Variants in TANK observed in about 807,000 individuals in gnomAD.
The protein encoded by TANK is TRAF family member associated NFKB activator.
Under a neutral mutation model 43.6 loss-of-function variants are expected in TANK, and 15 were observed. That is an observed-to-expected ratio of 0.34 (90% confidence interval 0.23 to 0.53). The LOEUF (loss-of-function observed/expected upper bound fraction) is 0.53. TANK is among the 20% of genes least tolerant of loss of function. The pLI is 0.94. For missense variants in TANK, 417 were observed against 498.6 expected (o/e 0.84, Z 1.56); for synonymous variants, 162 against 178.2 (o/e 0.91, Z 0.73).
Position 161,151,289 on chromosome 2 carries a change from T to G in TANK, c.-50+14226T>G, listed in dbSNP as rs575002085. On this transcript the variant is annotated intron_variant, in intron 1 of 7. Coordinates refer to the TANK transcript ENST00000259075. ...TGCTCTACATGTCTGCTAGGTCTAG[T>G]TGGTTTATACTATTTTTCAAGTTGT... is the stretch of plus-strand genomic sequence containing the variant. Among the ~76,000 whole-genome samples the G allele has an allele frequency of 2.6e-5, 4 of 152,240 alleles. No individual in the cohort carries two copies. In the East Asian group the frequency reaches 7.7e-4, roughly 29 times the overall value.
rs904574829 is a variant in TANK at position 161,226,850 on chromosome 2, A to G, written c.520+2104A>G. 4.4e-4 allele frequency among the ~76,000 whole-genome samples: 8 copies of G among 18,320 alleles called. No individual in the cohort carries two copies. The South Asian group carries it at 7.9e-3, about 18-fold the overall frequency. The allele number at this position is 18,320 out of a possible 152,430, so 12.0% of individuals were successfully genotyped here. On this transcript the variant is annotated intron_variant, in intron 6 of 7. Transcript: ENST00000392749. ...AAGGAAGAATATAGGATTAAGGGTA[A>G]CAAACATCCATGAGAAGGGTAATAA...
Position 161,200,307 on chromosome 2 carries a change from TA to T in TANK, c.100-3173del, listed in dbSNP as rs1298839433. 55 of 976,668 alleles carry T rather than the reference TA, an allele frequency of 5.6e-5. No homozygotes were observed. In the Middle Eastern group the frequency reaches 3.2e-3, roughly 56 times the overall value. The allele number at this position is 976,668 out of a possible 1,614,324, so 60.5% of individuals were successfully genotyped here. A position where few individuals can be genotyped will look rare whatever the true frequency, so the allele number is the denominator to read the frequency against. Reference sequence around the variant, plus strand: ...ATGTACTTGCTTTGTAATTGTATTTTAAAAAAATACTATGACTGTGCAACAA... The same window carrying T: ...ATGTACTTGCTTTGTAATTGTATTTTAAAAAATACTATGACTGTGCAACAA... On this transcript the variant is annotated intron_variant, in intron 2 of 7. Coordinates refer to ENST00000392749, the MANE Select transcript of TANK (RefSeq NM_001199135.3).
chr2:161,179,988 T>C, intron 2 of TANK: 1 of 1,198,776 alleles, frequency 8.3e-7, no homozygotes, highest in Non-Finnish European at 1.0e-6. Flanking sequence ...TTTCAGGTGA[T>C]TGTGAAAGAT....
intron 1 of TANK, among the ~76,000 whole-genome samples, chr2:161,140,227 G>A (rs567511198): frequency 1.3e-5 from 2 of 152,216 alleles, no homozygotes; most frequent in African/African-American, 4.8e-5. Context: ...CCATAATACT[G>A]TTGGGCCTTG....
chr2:161,212,430 A>T, intron 4 of TANK: 1 of 983,684 alleles, frequency 1.0e-6, no homozygotes, highest in Non-Finnish European at 1.2e-6. Context: ...GAAATTTTCT[A>T]TTGCAGAAAC....
At chr2:161,180,014 C>G in intron 2 of TANK, 3 of 1,135,096 alleles carry the variant, frequency 2.6e-6, no homozygotes, top group Non-Finnish European at 3.3e-6. Flanking sequence ...ATGTTGTCTT[C>G]CATAAATAAT....
At chr2:161,193,125 A>G (rs1372361736) in intron 2 of TANK, among the ~76,000 whole-genome samples, 2 of 152,206 alleles carry the variant, frequency 1.3e-5, no homozygotes, top group South Asian at 2.1e-4. Context: ...TATGCTAGCA[A>G]TTAAAAGATA....
chr2:161,232,367 G>T (rs1260816839), intron 7 of TANK, among the ~76,000 whole-genome samples: 22 of 152,138 alleles, frequency 1.4e-4, no homozygotes, highest in Admixed American at 1.4e-3. Flanking sequence ...ACATTTGTCT[G>T]ATTTCTCTTT....
At position 161,235,427 on chromosome 2, in the gene TANK, G is replaced by A; in HGVS notation, c.1187G>A (p.Cys396Tyr). ...TDSELHIPRV[C>Y]EFCQAVFPPS... Reference sequence around the variant, plus strand: ...TCAGAACTGCATATACCTCGAGTATGTGAATTCTGTCAAGCAGTTTTCCCA... The same window carrying A: ...TCAGAACTGCATATACCTCGAGTATATGAATTCTGTCAAGCAGTTTTCCCA... Residue 396 changes from cysteine (C) to tyrosine (Y), a missense_variant, in exon 8 of 8, where the codon TGT becomes TAT. By Grantham distance (194) the Cys-to-Tyr change is radical. Transcript: ENST00000392749. The A allele has an allele frequency of 6.2e-7, 1 of 1,613,982 alleles. No homozygotes were observed. The highest frequency in any genetic ancestry group is 8.5e-7 in the Non-Finnish European group (1 of 1,179,904).
At chr2:161,206,019 C>A (rs1686637522) in intron 4 of TANK, among the ~76,000 whole-genome samples, 1 of 152,052 alleles carries the variant, frequency 6.6e-6, no homozygotes, top group African/African-American at 2.4e-5. Flanking sequence ...GTATAAAAAC[C>A]TGTACAGGAA....
intron 4 of TANK, chr2:161,212,581 AG>A: frequency 1.0e-6 from 1 of 985,258 alleles, no homozygotes; most frequent in Non-Finnish European, 1.2e-6. Context: ...GAAAATAAGA[AG>A]TGATATGTCA....
At chr2:161,154,295 A>G (rs1330349557) in intron 1 of TANK, among the ~76,000 whole-genome samples, 1 of 152,188 alleles carries the variant, frequency 6.6e-6, no homozygotes, top group Admixed American at 6.5e-5. Context: ...GAAAAGGACA[A>G]AAGAGTGATC....
At chr2:161,202,804 G>T in intron 2 of TANK, 1 of 442,648 alleles carries the variant, frequency 2.3e-6, no homozygotes, top group Non-Finnish European at 4.6e-6. Context: ...TTGAATGTTT[G>T]CAGCATCTGT....
At chr2:161,193,746 T>G (rs961737184) in intron 2 of TANK, among the ~76,000 whole-genome samples, 1 of 152,136 alleles carries the variant, frequency 6.6e-6, no homozygotes, top group Middle Eastern at 3.2e-3. Context: ...AGCTTTCTTT[T>G]AATGATGTTG....
At chr2:161,214,571 T>C (rs1003589769) in intron 4 of TANK, among the ~76,000 whole-genome samples, 2 of 151,964 alleles carry the variant, frequency 1.3e-5, no homozygotes, top group Non-Finnish European at 2.9e-5. Flanking sequence ...CAGTTTGATA[T>C]GGCCTTAGTC....
rs1684774066 is a variant in TANK, at chr2:161,168,097, C to A, written c.-50+7611C>A. 1.3e-5 allele frequency among the ~76,000 whole-genome samples: 2 copies of A among 152,112 alleles called. 1 individual carries two copies. ...GGCATTTTATGGCTACTTGGCATCA[C>A]ATAGTAGGTAGCTTCAAGAGGGTCA... On this transcript the variant is annotated intron_variant, in intron 1 of 7. Transcript: ENST00000392749.
chr2:161,200,868 C>T (rs1004143613), intron 2 of TANK, among the ~76,000 whole-genome samples: 18 of 151,706 alleles, frequency 1.2e-4, no homozygotes, highest in African/African-American at 4.4e-4. Flanking sequence ...AGAGGCAGAG[C>T]AGCAGCATGG....
At chr2:161,201,245 A>C (rs1457657909) in intron 2 of TANK, 2 of 966,892 alleles carry the variant, frequency 2.1e-6, no homozygotes, top group Non-Finnish European at 2.5e-6. Flanking sequence ...TGAAATAGCC[A>C]TTGATCCATT....
chr2:161,185,939 A>T (rs967485930), intron 2 of TANK, among the ~76,000 whole-genome samples: 1 of 152,206 alleles, frequency 6.6e-6, no homozygotes, highest in Non-Finnish European at 1.5e-5. Flanking sequence ...AAAAAGAAAT[A>T]TTTAAATGTT....
Sources: allele counts gnomAD v4.1 joint callset (sites outside exome capture counted in the v4.1 genomes callset), GRCh38; gene constraint gnomAD v4.1.1; transcripts MANE v1.5; gene names NCBI Gene and HGNC (gene_info 2026-07-23, HGNC 2026-07-21).